Variants in SLC25A16 observed in about 807,000 individuals in gnomAD.
The protein encoded by SLC25A16 is mitochondrial coenzyme A transporter SLC25A16.
Under a neutral mutation model 41.5 loss-of-function variants are expected in SLC25A16, and 39 were observed. The observed-to-expected ratio is 0.94, with a 90% CI of 0.73 to 1.23. SLC25A16 has a LOEUF of 1.23. Ranked by LOEUF, SLC25A16 falls within the 50% of genes most tolerant of loss-of-function variation. The probability of loss-of-function intolerance (pLI) is 0.00; values close to 1 mark genes in which losing one functional copy is unlikely to be tolerated. For synonymous variants in SLC25A16, 146 were observed against 147.8 expected, an observed-to-expected ratio of 0.99 and a Z score of 0.09; for missense variants, 421 against 426.9, an observed-to-expected ratio of 0.99 and a Z score of 0.12.
chr10:68,507,627 T>C (rs2052980628), intron 2 of SLC25A16, among the ~76,000 whole-genome samples: 1 of 152,122 alleles, frequency 6.6e-6, no homozygotes, highest in Non-Finnish European at 1.5e-5. Context: ...GTAAAAAATA[T>C]ATAGACACAT....
At chr10:68,490,918 C>T (rs2052647076) in intron 6 of SLC25A16, among the ~76,000 whole-genome samples, 1 of 151,550 alleles carries the variant, frequency 6.6e-6, no homozygotes, top group Non-Finnish European at 1.5e-5. Flanking sequence ...GGGACAGGGT[C>T]TTACTCTGTC....
intron 6 of SLC25A16, among the ~76,000 whole-genome samples, chr10:68,490,788 A>AT: frequency 6.6e-6 from 1 of 152,086 alleles, no homozygotes; most frequent in Non-Finnish European, 1.5e-5. Flanking sequence ...TCAGAAGAAA[A>AT]TTTTTTTGAC....
At position 68,527,479 on chromosome 10, in the gene SLC25A16, G is replaced by T. The variant is rs943112631; in HGVS notation, c.-104C>A. 1 of 1,199,498 alleles carries T rather than the reference G, an allele frequency of 8.3e-7. No homozygotes were observed. Among genetic ancestry groups the T allele is most frequent in the Non-Finnish European group, 1.1e-6 (1 of 906,188 alleles). The allele number at this position is 1,199,498 out of a possible 1,614,324, so 74.3% of individuals were successfully genotyped here. ...ACAGGAGGCTGACCGCCCCGCCGGC[G>T]GGGCAAAGTAACACCCGGCGGCGCG... On this transcript the variant is annotated 5_prime_UTR_variant, in exon 1 of 9. Coordinates refer to ENST00000609923, the MANE Select transcript of SLC25A16 (RefSeq NM_152707.4).
intron 8 of SLC25A16, 134 bp from the exon 9 acceptor site, chr10:68,483,722 G>A: frequency 1.6e-6 from 1 of 639,612 alleles, no homozygotes. Context: ...GATTGCAGTG[G>A]CATGATCTTG....
intron 1 of SLC25A16, among the ~76,000 whole-genome samples, chr10:68,521,227 G>A (rs75895238): frequency 2.0e-5 from 3 of 152,104 alleles, no homozygotes; most frequent in Admixed American, 1.3e-4. Context: ...AGACACTTTA[G>A]AAATACTTTG....
intron 2 of SLC25A16, among the ~76,000 whole-genome samples, chr10:68,509,083 T>G (rs1417978409): frequency 6.6e-6 from 1 of 152,066 alleles, no homozygotes; most frequent in African/African-American, 2.4e-5. Flanking sequence ...CATGTCTTTA[T>G]TCCTAGCACT....
Position 68,527,502 on chromosome 10 carries a change from G to C in SLC25A16, c.-127C>G. 1 of 888,900 alleles carries C rather than the reference G, an allele frequency of 1.1e-6. No individual in the cohort carries two copies. Among genetic ancestry groups the C allele is most frequent in the Non-Finnish European group, 1.6e-6 (1 of 623,844 alleles). 55.1% of individuals were successfully genotyped at this position (888,900 alleles called of 1,614,324 possible). Reference sequence around the variant, plus strand: ...GCGGGGCAAAGTAACACCCGGCGGCGCGGCGCCGGCTGATGGCGTACAGCA... The same window carrying C: ...GCGGGGCAAAGTAACACCCGGCGGCCCGGCGCCGGCTGATGGCGTACAGCA... On this transcript the variant is annotated 5_prime_UTR_variant, in exon 1 of 9. Coordinates refer to ENST00000609923, the MANE Select transcript of SLC25A16 (RefSeq NM_152707.4).
At chr10:68,489,700 A>G (rs1455631347) in intron 6 of SLC25A16, among the ~76,000 whole-genome samples, 1 of 152,114 alleles carries the variant, frequency 6.6e-6, no homozygotes, top group Admixed American at 6.6e-5. Flanking sequence ...CAGGAGTTTG[A>G]GACCATCCTG....
chr10:68,521,917 T>C (rs10998245), intron 1 of SLC25A16, among the ~76,000 whole-genome samples: 6,414 of 151,578 alleles, frequency 0.042, 167 homozygotes, highest in South Asian at 0.09. Context: ...TCTTAACACT[T>C]TGGGATGCTG....
At chr10:68,523,242 G>A (rs1284281782) in intron 1 of SLC25A16, among the ~76,000 whole-genome samples, 1 of 151,710 alleles carries the variant, frequency 6.6e-6, no homozygotes. Flanking sequence ...ACAGGTGGGC[G>A]CCACCATGCC....
intron 2 of SLC25A16, among the ~76,000 whole-genome samples, chr10:68,508,443 G>C (rs560145817): frequency 6.2e-4 from 93 of 151,190 alleles, no homozygotes; most frequent in Non-Finnish European, 1.2e-3. Flanking sequence ...GCCAGGCGGG[G>C]TGGCTCAAAC....
intron 1 of SLC25A16, among the ~76,000 whole-genome samples, chr10:68,524,602 G>A (rs371991795): frequency 1.3e-5 from 2 of 150,954 alleles, no homozygotes; most frequent in Non-Finnish European, 2.9e-5. Context: ...CCAGCTACTC[G>A]GGAGGTTGAG....
intron 2 of SLC25A16, among the ~76,000 whole-genome samples, chr10:68,507,207 G>A (rs1590113864): frequency 6.6e-6 from 1 of 151,152 alleles, no homozygotes; most frequent in South Asian, 2.1e-4. Flanking sequence ...CAAGTAGCTG[G>A]GATTACACGC....
intron 4 of SLC25A16, among the ~76,000 whole-genome samples, chr10:68,495,414 C>G (rs2052733422): frequency 6.6e-6 from 1 of 151,548 alleles, no homozygotes; most frequent in African/African-American, 2.4e-5. Flanking sequence ...GACTCTGTCT[C>G]AAAAAATAAT....
intron 1 of SLC25A16, among the ~76,000 whole-genome samples, chr10:68,523,644 T>A (rs2053285052): frequency 6.6e-6 from 1 of 152,062 alleles, no homozygotes; most frequent in African/African-American, 2.4e-5. Flanking sequence ...GGCTAGTTTT[T>A]TTGTATTTTT....
At position 68,525,318 on chromosome 10, in the gene SLC25A16, T is replaced by A. The variant is rs889678680; in HGVS notation, c.130+1928A>T. ...GCCTGACAAATTTTTGTAGTTTTAG[T>A]AGAGACAGGGTTTCACCATGTTGGC... On this transcript the variant is annotated intron_variant, in intron 1 of 8. Coordinates refer to ENST00000609923, the MANE Select transcript of SLC25A16 (RefSeq NM_152707.4). Among the ~76,000 whole-genome samples the A allele has an allele frequency of 7.2e-5, 11 of 152,142 alleles. No homozygotes were observed. In the East Asian group the frequency reaches 1.6e-3, roughly 22 times the overall value.
Position 68,506,589 on chromosome 10 carries a change from T to G in SLC25A16, c.353A>C (p.Lys118Thr). The G allele has an allele frequency of 6.3e-7, 1 of 1,577,996 alleles. No individual in the cohort carries two copies. The highest frequency in any genetic ancestry group is 8.6e-7 in the Non-Finnish European group (1 of 1,165,366). Residue 118 changes from lysine to threonine, a missense_variant, in exon 3 of 9, where the codon AAA becomes ACA. Physicochemically the swap from Lys to Thr is moderately conservative, Grantham distance 78. Transcript: ENST00000609923. ...AIQFMAFEHYKTLITTKLGIS... is the reference protein window; with the variant it reads ...AIQFMAFEHYTTLITTKLGIS... ...AAAAGATCAAAGTTTAACTACCGTT[T>G]TATAATGCTCAAATGCCATAAACTG... is the stretch of plus-strand genomic sequence containing the variant.
rs146328870 is a variant in SLC25A16 at position 68,491,818 on chromosome 10, A to C, written c.610+1314T>G. Among the ~76,000 whole-genome samples the C allele has an allele frequency of 2.8e-3, 422 of 151,860 alleles. 3 individuals are homozygous for C. Among genetic ancestry groups the C allele is most frequent in the African/African-American group, 9.2e-3 (379 of 41,408 alleles). On this transcript the variant is annotated intron_variant, in intron 6 of 8. Transcript: ENST00000609923. ...CTCTGTTTGCTTGCTTGCTTGCTTG[A>C]TTGATTGATTGATTGACTGATTGAT...
At chr10:68,502,808 C>G (rs1354191180) in intron 4 of SLC25A16, among the ~76,000 whole-genome samples, 1 of 34,010 alleles carries the variant, frequency 2.9e-5, no homozygotes, top group African/African-American at 1.4e-4. Context: ...GGGAGGGAAG[C>G]GGAGGGGAAA....
Sources: allele counts gnomAD v4.1 joint callset (sites outside exome capture counted in the v4.1 genomes callset), GRCh38; gene constraint gnomAD v4.1.1; transcripts MANE v1.5; gene names NCBI Gene and HGNC (gene_info 2026-07-23, HGNC 2026-07-21).